The following WNT7B variants were observed in gnomAD, a reference collection of about 807,000 sequenced individuals.
WNT7B encodes the protein protein Wnt-7b.
Under a neutral mutation model 38.2 loss-of-function variants are expected in WNT7B, and 19 were observed. That is an observed-to-expected ratio of 0.50 (90% CI 0.35 to 0.73). The LOEUF is 0.73. WNT7B is among the 30% of genes least tolerant of loss of function. The probability of loss-of-function intolerance (pLI) is 0.01; values close to 1 mark genes in which losing one functional copy is unlikely to be tolerated. For synonymous variants in WNT7B, 243 were observed against 209.3 expected (o/e 1.16, Z -1.39); for missense variants, 423 against 507.9 (o/e 0.83, Z 1.61).
rs903154914 is a variant in WNT7B, at chr22:45,926,084, C to T, written c.571-2749G>A. 5 of 985,440 alleles carry T rather than the reference C, an allele frequency of 5.1e-6. No individual in the cohort carries two copies. In the Admixed American group the frequency reaches 1.8e-4, roughly 36 times the overall value. 61.0% of individuals were successfully genotyped at this position (985,440 alleles called of 1,614,324 possible). On this transcript the variant is annotated intron_variant, in intron 3 of 3. Coordinates refer to ENST00000339464, the MANE Select transcript of WNT7B (RefSeq NM_058238.3). The stretch of plus-strand genomic sequence containing the variant: ...CCGCAGGGCCAGGCCCGTGACCATC[C>T]GCAAATAAAGCCTACTGGGCCGCTG...
chr22:45,970,906 G>A (rs866407532), intron 1 of WNT7B, among the ~76,000 whole-genome samples: 3 of 152,240 alleles, frequency 2.0e-5, no homozygotes, highest in African/African-American at 4.8e-5. Flanking sequence ...CTCCGCAGCC[G>A]GGGCTGCCCG....
intron 1 of WNT7B, among the ~76,000 whole-genome samples, chr22:45,974,196 G>A (rs1049149766): frequency 6.6e-6 from 1 of 152,216 alleles, no homozygotes; most frequent in Non-Finnish European, 1.5e-5. Flanking sequence ...AGTGAAGGGG[G>A]TGTTGTGACC....
intron 2 of WNT7B, among the ~76,000 whole-genome samples, chr22:45,932,147 G>A (rs574668832): frequency 2.5e-4 from 38 of 152,110 alleles, no homozygotes; most frequent in Non-Finnish European, 4.4e-4. Context: ...CAGGTCCCTC[G>A]CTGGCACCTT....
intron 1 of WNT7B, among the ~76,000 whole-genome samples, chr22:45,955,436 C>T (rs185515714): frequency 2.6e-4 from 39 of 152,308 alleles, no homozygotes; most frequent in East Asian, 1.2e-3. Context: ...GAGCGTGGGC[C>T]GGCCATGGGC....
chr22:45,945,816 C>A (rs991852615), intron 2 of WNT7B, among the ~76,000 whole-genome samples: 5 of 152,240 alleles, frequency 3.3e-5, no homozygotes, highest in South Asian at 2.1e-4. Context: ...GTGTGCAGCC[C>A]AGGAAGACAC....
chr22:45,973,847 C>A lies in WNT7B; in HGVS notation c.71+2837G>T, dbSNP rs2146757647. ...CAGGGGTTGTACATGTGAGTTGCAC[C>A]AGGCTTAGGGGCACATGTGTGTGAT... On this transcript the variant is annotated intron_variant, in intron 1 of 3. Transcript: ENST00000339464. 2.0e-5 allele frequency among the ~76,000 whole-genome samples: 3 copies of A among 152,200 alleles called. 1 individual carries two copies. The highest frequency in any genetic ancestry group is 2.0e-4 in the Admixed American group (3 of 15,296).
intron 2 of WNT7B, among the ~76,000 whole-genome samples, chr22:45,933,050 C>G (rs565564187): frequency 2.0e-5 from 3 of 152,358 alleles, no homozygotes; most frequent in Admixed American, 2.0e-4. Context: ...TTGCCCGCAG[C>G]CTGCTGGGGG....
intron 2 of WNT7B, among the ~76,000 whole-genome samples, chr22:45,949,595 C>A (rs532916675): frequency 6.6e-6 from 1 of 152,352 alleles, no homozygotes; most frequent in East Asian, 1.9e-4. Flanking sequence ...TGGGCCCCAA[C>A]CACTGCACGG....
chr22:45,974,397 G>A (rs1446680609), intron 1 of WNT7B, among the ~76,000 whole-genome samples: 4 of 152,178 alleles, frequency 2.6e-5, no homozygotes, highest in African/African-American at 7.2e-5. Context: ...CCCTTCTACC[G>A]CTGCGCGTAG....
chr22:45,924,342 A>G (rs1931013301), intron 3 of WNT7B, among the ~76,000 whole-genome samples: 1 of 152,222 alleles, frequency 6.6e-6, no homozygotes, highest in East Asian at 1.9e-4. Flanking sequence ...CAAGAAAAAG[A>G]GGGAGAGAAC....
At chr22:45,972,932 C>T (rs528750750) in intron 1 of WNT7B, among the ~76,000 whole-genome samples, 1 of 152,376 alleles carries the variant, frequency 6.6e-6, no homozygotes, top group East Asian at 1.9e-4. Flanking sequence ...TGCACAGATG[C>T]ATTGAGTGTC....
chr22:45,955,981 G>GC (rs1932051361), intron 1 of WNT7B, among the ~76,000 whole-genome samples: 1 of 152,186 alleles, frequency 6.6e-6, no homozygotes, highest in African/African-American at 2.4e-5. Context: ...TGGCAGAACA[G>GC]CCCCAAGGGA....
At chr22:45,972,131 C>T in intron 1 of WNT7B, 1 of 608,564 alleles carries the variant, frequency 1.6e-6, no homozygotes, top group East Asian at 3.5e-5. Flanking sequence ...CCCGCCCACC[C>T]CGCACGCCGC....
At position 45,975,581 on chromosome 22, in the gene WNT7B, A is replaced by T. The variant is rs1314093435; in HGVS notation, c.71+1103T>A. On this transcript the variant is annotated intron_variant, in intron 1 of 3. Coordinates refer to ENST00000339464, the MANE Select transcript of WNT7B (RefSeq NM_058238.3). The surrounding 1 kb of genome is among the most constrained non-coding windows in gnomAD (Gnocchi z 6.6). ...CGGGGCAGACATGGGATGGAGGGTG[A>T]TGGAGAGACGATTCCCAGCGCCTGC... 1.4e-6 allele frequency: 1 copy of T among 716,804 alleles called. No individual in the cohort carries two copies. The highest frequency in any genetic ancestry group is 2.0e-5 in the Admixed American group (1 of 49,978). The allele number at this position is 716,804 out of a possible 1,614,324, so 44.4% of individuals were successfully genotyped here. A position where few individuals can be genotyped will look rare whatever the true frequency, so the allele number is the denominator to read the frequency against.
In WNT7B at chr22:45,951,463, G is replaced by A. The variant is rs1054786699; in HGVS notation, c.72-1317C>T. On this transcript the variant is annotated intron_variant, in intron 1 of 3. Transcript: ENST00000339464. The surrounding 1 kb of genome is among the most constrained non-coding windows in gnomAD (Gnocchi z 4.8). ...CAGTTCTGTGGCATTTAATACATTC[G>A]GTGTTGTGCAACCTCCAGCACCGTC... is the stretch of plus-strand genomic sequence containing the variant. 2.7e-5 allele frequency among the ~76,000 whole-genome samples: 4 copies of A among 150,168 alleles called. No homozygotes were observed. Among genetic ancestry groups the A allele is most frequent in the Non-Finnish European group, 5.9e-5 (4 of 67,946 alleles).
At chr22:45,942,430 G>A (rs559465125) in intron 2 of WNT7B, among the ~76,000 whole-genome samples, 1 of 152,356 alleles carries the variant, frequency 6.6e-6, no homozygotes, top group South Asian at 2.1e-4. Flanking sequence ...GACACACACA[G>A]AGCTCAGGCT....
rs905599204 is a variant in WNT7B at position 45,976,208 on chromosome 22, C to G, written c.71+476G>C. Among the ~76,000 whole-genome samples the G allele has an allele frequency of 6.8e-6, 1 of 146,088 alleles. No individual in the cohort carries two copies. Among genetic ancestry groups the G allele is most frequent in the Non-Finnish European group, 1.5e-5 (1 of 65,666 alleles). On this transcript the variant is annotated intron_variant, in intron 1 of 3. Coordinates refer to ENST00000339464, the MANE Select transcript of WNT7B (RefSeq NM_058238.3). The surrounding 1 kb of genome is among the most constrained non-coding windows in gnomAD (Gnocchi z 8.5). ...TAGAGACGAAGGGCCGCGGCGGGTG[C>G]CCCGGCCTGCGCGCTCGCGGCCGGG...
intron 1 of WNT7B, among the ~76,000 whole-genome samples, chr22:45,971,561 G>C (rs770717591): frequency 5.9e-5 from 9 of 152,226 alleles, no homozygotes; most frequent in Non-Finnish European, 1.3e-4. Context: ...AGCACGCAAT[G>C]CGCGTCCTCC....
At chr22:45,972,065 C>T in intron 1 of WNT7B, 1 of 513,682 alleles carries the variant, frequency 1.9e-6, no homozygotes, top group Non-Finnish European at 3.4e-6. Flanking sequence ...CCAGGGGCCT[C>T]GCTGCCGCGT....
Sources: gnomAD v4.1 joint callset for allele counts (sites outside exome capture counted in the v4.1 genomes callset) on GRCh38, gnomAD v4.1.1 for gene constraint, Gnocchi (gnomAD v3.1) non-coding constraint, MANE v1.5 for transcripts, NCBI Gene and HGNC (gene_info 2026-07-23, HGNC 2026-07-21) for gene names.